The following RFX4 variants were observed in gnomAD, a reference collection of about 807,000 sequenced individuals.
RFX4 encodes the protein regulatory factor X4, also known as transcription factor RFX4.
RFX4 carries 10 observed loss-of-function variants against 95.0 expected under a neutral mutation model. The ratio of observed to expected loss-of-function variants is 0.11; its 90% CI spans 0.06 to 0.18. RFX4 has a LOEUF of 0.18. RFX4 is among the 10% of genes least tolerant of loss of function. The probability of loss-of-function intolerance (pLI) is 1.00; values close to 1 mark genes in which losing one functional copy is unlikely to be tolerated. For missense variants in RFX4, 640 were observed against 922.0 expected (o/e 0.69, Z 3.96); for synonymous variants, 321 against 340.7 (o/e 0.94, Z 0.64).
chr12:106,715,503 T>A lies in RFX4; in HGVS notation c.1097T>A (p.Met366Lys). The change falls in exon 11 of 18, where the codon ATG (methionine) becomes AAG (lysine). Residue 366 changes from methionine to lysine, a missense_variant. Met to Lys is a moderately conservative substitution (Grantham distance 95). This residue lies in a region of RFX4 where 72 missense variants were observed against 80.5 expected (regional missense o/e 0.89). Transcript: ENST00000392842. ...NSITKQTLYT[M>K]EDSRDEHRKL... ...ATCACCAAGCAAACCCTTTACACCA[T>A]GGAAGACTCTCGCGATGAGCACCGG... 6.2e-7 allele frequency: 1 copy of A among 1,614,196 alleles called. No homozygotes were observed. Among genetic ancestry groups the A allele is most frequent in the Non-Finnish European group, 8.5e-7 (1 of 1,180,022 alleles).
intron 3 of RFX4, among the ~76,000 whole-genome samples, chr12:106,641,702 A>G (rs912726441): frequency 1.3e-5 from 2 of 152,218 alleles, no homozygotes; most frequent in African/African-American, 4.8e-5. Context: ...GAATTTGTAC[A>G]TATTCGCCTA....
At chr12:106,739,196 T>G (rs1436114802) in intron 15 of RFX4, among the ~76,000 whole-genome samples, 1 of 152,142 alleles carries the variant, frequency 6.6e-6, no homozygotes, top group Non-Finnish European at 1.5e-5. Context: ...GCTTTAAAAA[T>G]TTATTAAAAT....
chr12:106,752,448 G>GT lies in RFX4; in HGVS notation c.1935+1665dup, dbSNP rs1228670974. On this transcript the variant is annotated intron_variant, in intron 17 of 17. Transcript: ENST00000392842. ...CTCTCACACACCTGGTCGCTAAACA[G>GT]TTTTTTTTTTCATTCTATCCCCTCT... Among the ~76,000 whole-genome samples the GT allele has an allele frequency of 1.0e-3, 150 of 149,620 alleles. 1 individual carries two copies. Among genetic ancestry groups the GT allele is most frequent in the Admixed American group, 3.5e-3 (52 of 14,924 alleles).
chr12:106,627,731 CT>C (rs1229292358), intron 2 of RFX4, among the ~76,000 whole-genome samples: 1 of 152,084 alleles, frequency 6.6e-6, no homozygotes, highest in Admixed American at 6.6e-5. Flanking sequence ...AAATTCTTTA[CT>C]AAAAAAGACG....
chr12:106,739,350 T>A lies in RFX4; in HGVS notation c.1633+6265T>A, dbSNP rs142371917. 2.9e-3 allele frequency among the ~76,000 whole-genome samples: 443 copies of A among 152,282 alleles called. 3 individuals carry two copies. The highest frequency in any genetic ancestry group is 9.5e-3 in the African/African-American group (393 of 41,550). On this transcript the variant is annotated intron_variant, in intron 15 of 17. Coordinates refer to ENST00000392842, the MANE Select transcript of RFX4 (RefSeq NM_213594.3). ...TACCTGGGACTCTTTAACAAATAAA[T>A]GTCCCACTTTGGATGGACACTTCTC...
intron 1 of RFX4, among the ~76,000 whole-genome samples, chr12:106,603,049 T>A (rs762368181): frequency 2.0e-4 from 31 of 152,244 alleles, no homozygotes; most frequent in Non-Finnish European, 4.0e-4. Context: ...TAGCTTTTGT[T>A]CATCCCCTCT....
intron 15 of RFX4, among the ~76,000 whole-genome samples, chr12:106,736,479 G>A (rs919762442): frequency 3.9e-5 from 6 of 152,128 alleles, no homozygotes; most frequent in African/African-American, 1.4e-4. Context: ...GCTTTGTTAA[G>A]TCTGCAACCA....
chr12:106,600,251 C>T (rs574296234), intron 1 of RFX4, among the ~76,000 whole-genome samples: 6 of 152,176 alleles, frequency 3.9e-5, no homozygotes, highest in Admixed American at 2.6e-4. Context: ...TCAAGAACTT[C>T]GCACATGCTG....
At chr12:106,649,141 G>A (rs2040813469) in intron 3 of RFX4, among the ~76,000 whole-genome samples, 1 of 152,050 alleles carries the variant, frequency 6.6e-6, no homozygotes, top group Non-Finnish European at 1.5e-5. Flanking sequence ...TGTTCACCAT[G>A]TCAGACTAAT....
intron 8 of RFX4, among the ~76,000 whole-genome samples, chr12:106,699,324 T>G (rs1020119381): frequency 1.3e-5 from 2 of 152,188 alleles, no homozygotes; most frequent in African/African-American, 4.8e-5. Flanking sequence ...TGCTCCAGAA[T>G]GTGGCCTATT....
chr12:106,689,431 C>A, intron 7 of RFX4, 67 bp downstream of exon 7: 1 of 1,283,064 alleles, frequency 7.8e-7, no homozygotes, highest in South Asian at 1.2e-5. Context: ...GCTCCTATTT[C>A]ATGAGCTCCT....
chr12:106,682,402 ACTCTG>A (rs1161980556), intron 5 of RFX4: 2 of 314,388 alleles, frequency 6.4e-6, no homozygotes, highest in African/African-American at 4.2e-5. Context: ...TGCTGAGCAA[ACTCTG>A]CTCTGATAGT....
chr12:106,685,894 T>C (rs1181061813), intron 5 of RFX4, among the ~76,000 whole-genome samples: 1 of 152,246 alleles, frequency 6.6e-6, no homozygotes, highest in Non-Finnish European at 1.5e-5. Flanking sequence ...GCAAACTGCC[T>C]GGCATGTAGC....
chr12:106,682,834 T>C (rs1224797794), intron 5 of RFX4: 1 of 152,224 alleles, frequency 6.6e-6, no homozygotes, highest in East Asian at 1.9e-4. Flanking sequence ...CCTGTACTGC[T>C]CGACCTTCAT....
chr12:106,672,594 T>C (rs1488182255), intron 4 of RFX4, among the ~76,000 whole-genome samples: 1 of 152,202 alleles, frequency 6.6e-6, no homozygotes, highest in African/African-American at 2.4e-5. Context: ...TACTGTTTGC[T>C]GAGTCTTGCT....
chr12:106,645,275 C>T (rs1319621158), intron 3 of RFX4, among the ~76,000 whole-genome samples: 2 of 152,184 alleles, frequency 1.3e-5, no homozygotes, highest in Non-Finnish European at 2.9e-5. Context: ...AACCTCTATT[C>T]ATGCAGAGAA....
chr12:106,748,299 G>C (rs1034633255), intron 16 of RFX4, among the ~76,000 whole-genome samples: 1 of 152,012 alleles, frequency 6.6e-6, no homozygotes, highest in Admixed American at 6.6e-5. Flanking sequence ...TGTACACTTC[G>C]CAGAATTACA....
chr12:106,635,301 T>C (rs2040488601), intron 2 of RFX4, among the ~76,000 whole-genome samples: 1 of 152,156 alleles, frequency 6.6e-6, no homozygotes, highest in Non-Finnish European at 1.5e-5. Context: ...TTTAAAAAAA[T>C]ACAATTGACA....
intron 2 of RFX4, among the ~76,000 whole-genome samples, chr12:106,613,876 C>T (rs984398479): frequency 6.6e-6 from 1 of 151,830 alleles, no homozygotes; most frequent in Non-Finnish European, 1.5e-5. Context: ...TGGTATGTTC[C>T]CAGGAGTAGA....
Sources: allele counts gnomAD v4.1 joint callset (sites outside exome capture counted in the v4.1 genomes callset), GRCh38; gene constraint gnomAD v4.1.1; regional missense constraint gnomAD v4.1.1; transcripts MANE v1.5; gene names NCBI Gene and HGNC (gene_info 2026-07-23, HGNC 2026-07-21).